The following ITFG1 variants were observed in gnomAD, a reference collection of about 807,000 sequenced individuals.
ITFG1 encodes the protein T-cell immunomodulatory protein.
In ITFG1, 34 loss-of-function variants were observed where a neutral mutation model predicts 81.8. The observed-to-expected ratio is 0.42, with a 90% CI of 0.32 to 0.55. ITFG1 has a LOEUF of 0.55. Among genes scored for constraint, ITFG1 ranks in the 20% least tolerant of loss-of-function variants. The pLI is 0.17. For synonymous variants in ITFG1, 285 were observed against 270.6 expected (o/e 1.05, Z -0.52); for missense variants, 672 against 755.4 (o/e 0.89, Z 1.29).
chr16:47,165,918 T>C (rs1018187316), intron 14 of ITFG1, among the ~76,000 whole-genome samples: 1 of 152,174 alleles, frequency 6.6e-6, no homozygotes, highest in Non-Finnish European at 1.5e-5. Flanking sequence ...AAGACTGACT[T>C]AACAGAAGTA....
At position 47,155,605 on chromosome 16, in the gene ITFG1, C is replaced by A; in HGVS notation, c.*114G>T. The A allele has an allele frequency of 2.9e-6, 2 of 692,366 alleles. No individual in the cohort carries two copies. The highest frequency in any genetic ancestry group is 2.6e-5 in the Admixed American group (1 of 38,140). 42.9% of individuals were successfully genotyped at this position (692,366 alleles called of 1,614,324 possible). ...TATTTGAATACTTTCCAATAATTAC[C>A]ATGGGATACATCATTTATAAATAAT... On this transcript the variant is annotated 3_prime_UTR_variant, in exon 18 of 18. Coordinates refer to ENST00000320640, the MANE Select transcript of ITFG1 (RefSeq NM_030790.5).
chr16:47,231,558 A>G (rs1965816892), intron 13 of ITFG1, among the ~76,000 whole-genome samples: 1 of 152,234 alleles, frequency 6.6e-6, no homozygotes, highest in Non-Finnish European at 1.5e-5. Context: ...CAAGAAGTCT[A>G]GTATACCTCT....
In ITFG1 at chr16:47,453,229, C is replaced by T. The variant is rs141027328; in HGVS notation, c.428-439G>A. Among the ~76,000 whole-genome samples, 1,266 of 152,254 alleles carry T rather than the reference C, an allele frequency of 8.3e-3. 22 individuals are homozygous for T. The highest frequency in any genetic ancestry group is 0.029 in the African/African-American group (1,197 of 41,552). On this transcript the variant is annotated intron_variant, in intron 3 of 17. Coordinates refer to ENST00000320640, the MANE Select transcript of ITFG1 (RefSeq NM_030790.5). ...TATTGACTTAATGAATATAATGTAT[C>T]GCGATTACTGTTTACATTCCCAAAT...
At chr16:47,423,331 T>C (rs918105185) in intron 6 of ITFG1, among the ~76,000 whole-genome samples, 3 of 151,982 alleles carry the variant, frequency 2.0e-5, no homozygotes, top group Non-Finnish European at 1.5e-5. Context: ...TGTGCATCTT[T>C]GCCCATGAGA....
chr16:47,380,952 A>G lies in ITFG1; in HGVS notation c.656-5012T>C, dbSNP rs561808973. 1.8e-3 allele frequency among the ~76,000 whole-genome samples: 272 copies of G among 152,352 alleles called. 3 individuals are homozygous for G. The highest frequency in any genetic ancestry group is 2.9e-3 in the Non-Finnish European group (195 of 68,038). On this transcript the variant is annotated intron_variant, in intron 6 of 17. Coordinates refer to ENST00000320640, the MANE Select transcript of ITFG1 (RefSeq NM_030790.5). ...GATTCATTTAACAAGTAAAATAGTG[A>G]AAATATTCAATGCACATGCAGTTTC... is the stretch of plus-strand genomic sequence containing the variant.
At chr16:47,337,201 A>C (rs546532952) in intron 8 of ITFG1, among the ~76,000 whole-genome samples, 1 of 152,158 alleles carries the variant, frequency 6.6e-6, no homozygotes, top group Admixed American at 6.5e-5. Flanking sequence ...TGAATGCTGA[A>C]GATATAGGTA....
chr16:47,271,626 G>A (rs950900076), intron 10 of ITFG1, among the ~76,000 whole-genome samples: 2 of 152,202 alleles, frequency 1.3e-5, no homozygotes. Flanking sequence ...TTGGGAGGCC[G>A]AGGCGGGTGG....
chr16:47,410,451 C>A (rs1231986648), intron 6 of ITFG1, among the ~76,000 whole-genome samples: 1 of 151,960 alleles, frequency 6.6e-6, no homozygotes, highest in Non-Finnish European at 1.5e-5. Flanking sequence ...CACAAGACGG[C>A]TGACTAGACA....
chr16:47,158,244 A>G (rs928142521), intron 17 of ITFG1, among the ~76,000 whole-genome samples: 4 of 152,026 alleles, frequency 2.6e-5, no homozygotes, highest in Non-Finnish European at 4.4e-5. Flanking sequence ...ACAGGCTTGC[A>G]TCATGGTGCC....
At chr16:47,393,380 T>C (rs1968555853) in intron 6 of ITFG1, among the ~76,000 whole-genome samples, 1 of 152,186 alleles carries the variant, frequency 6.6e-6, no homozygotes, top group Non-Finnish European at 1.5e-5. Context: ...TATACTGGTA[T>C]TGAACTCCTA....
At chr16:47,389,928 G>A (rs761283956) in intron 6 of ITFG1, among the ~76,000 whole-genome samples, 2 of 152,206 alleles carry the variant, frequency 1.3e-5, no homozygotes. Context: ...CTCAACTGTT[G>A]CAATAAGAAC....
intron 10 of ITFG1, among the ~76,000 whole-genome samples, chr16:47,267,523 G>A (rs1273104693): frequency 6.6e-6 from 1 of 152,028 alleles, no homozygotes; most frequent in African/African-American, 2.4e-5. Flanking sequence ...TAAAATCAAC[G>A]AAGATAAAGA....
At chr16:47,263,796 T>G (rs1966240956) in intron 10 of ITFG1, among the ~76,000 whole-genome samples, 2 of 152,174 alleles carry the variant, frequency 1.3e-5, no homozygotes, top group South Asian at 4.1e-4. Flanking sequence ...CATTCTTAAT[T>G]TTTGATATCA....
intron 3 of ITFG1, among the ~76,000 whole-genome samples, chr16:47,453,298 G>C (rs1969412118): frequency 6.6e-6 from 1 of 152,190 alleles, no homozygotes; most frequent in African/African-American, 2.4e-5. Flanking sequence ...GAACAAAGTT[G>C]CCTATTTAGG....
rs150280869 is a variant in ITFG1, at chr16:47,454,116, A to G, written c.324T>C (p.Tyr108=). The change falls in exon 3 of 18, where the codon TAT becomes TAC. Residue 108 remains tyrosine, a synonymous_variant. Coordinates refer to ENST00000320640, the MANE Select transcript of ITFG1 (RefSeq NM_030790.5). ...GGACATCCATTTGAGAATCTCCATCATAATCCCCAGGGACTACACTTGTTA... is the reference window on the plus strand; with the variant it reads ...GGACATCCATTTGAGAATCTCCATCGTAATCCCCAGGGACTACACTTGTTA... ...ALITSVVPGD[Y]DGDSQMDVLL... 1.2e-6 allele frequency: 2 copies of G among 1,608,154 alleles called. No individual in the cohort carries two copies. The highest frequency in any genetic ancestry group is 1.3e-5 in the African/African-American group (1 of 74,794).
At chr16:47,338,235 C>T (rs1967734084) in intron 8 of ITFG1, among the ~76,000 whole-genome samples, 1 of 152,116 alleles carries the variant, frequency 6.6e-6, no homozygotes, top group Non-Finnish European at 1.5e-5. Flanking sequence ...CATGGTGAAA[C>T]CCTGTCTCTA....
chr16:47,167,314 G>A (rs1475919894), intron 14 of ITFG1, among the ~76,000 whole-genome samples: 1 of 152,120 alleles, frequency 6.6e-6, no homozygotes, highest in East Asian at 1.9e-4. Flanking sequence ...GCACATATAC[G>A]CCCAGATGGC....
intron 10 of ITFG1, among the ~76,000 whole-genome samples, chr16:47,307,897 T>C (rs145261323): frequency 1.1e-4 from 17 of 152,342 alleles, no homozygotes; most frequent in Admixed American, 2.6e-4. Context: ...ACATGCAGTG[T>C]TTGATTTTCT....
chr16:47,180,804 C>A (rs1240932674), intron 14 of ITFG1, among the ~76,000 whole-genome samples: 1 of 151,688 alleles, frequency 6.6e-6, no homozygotes, highest in South Asian at 2.1e-4. Flanking sequence ...CCGGCCGCCA[C>A]CCCGTCTGGG....
Sources: allele counts gnomAD v4.1 joint callset (sites outside exome capture counted in the v4.1 genomes callset), GRCh38; gene constraint gnomAD v4.1.1; transcripts MANE v1.5; gene names NCBI Gene and HGNC (gene_info 2026-07-23, HGNC 2026-07-21).